RBMS3: variants seen among roughly 807,000 people sequenced by gnomAD.
RBMS3 encodes RNA-binding motif, single-stranded-interacting protein 3.
A neutral mutation model predicts 66.8 loss-of-function variants in RBMS3; 27 were observed. The ratio of observed to expected loss-of-function variants is 0.40; its 90% CI spans 0.30 to 0.56. RBMS3 has a LOEUF of 0.56. RBMS3 is among the 20% of genes least tolerant of loss of function. The probability of loss-of-function intolerance (pLI) is 0.40; values close to 1 mark genes in which losing one functional copy is unlikely to be tolerated. For synonymous variants in RBMS3, 188 were observed against 183.0 expected, an observed-to-expected ratio of 1.03 and a Z score of -0.22; for missense variants, 513 against 549.5, an observed-to-expected ratio of 0.93 and a Z score of 0.66.
chr3:29,342,950 T>A (rs2036362213), intron 1 of RBMS3, among the ~76,000 whole-genome samples: 4 of 152,194 alleles, frequency 2.6e-5, no homozygotes, highest in Admixed American at 1.3e-4. Context: ...TCTACTTAGA[T>A]GCATGTTATG....
chr3:29,407,353 G>T (rs901692881), intron 1 of RBMS3, among the ~76,000 whole-genome samples: 66 of 152,126 alleles, frequency 4.3e-4, no homozygotes, highest in African/African-American at 1.6e-3. Flanking sequence ...CGACTGAGGT[G>T]TATGTACACG....
At chr3:29,851,544 A>G (rs760993649) in intron 6 of RBMS3, among the ~76,000 whole-genome samples, 1 of 152,238 alleles carries the variant, frequency 6.6e-6, no homozygotes, top group South Asian at 2.1e-4. Context: ...AAAAGTGAAC[A>G]CATTAAAGCA....
intron 4 of RBMS3, among the ~76,000 whole-genome samples, chr3:29,625,136 C>T (rs1393905273): frequency 6.6e-6 from 1 of 152,112 alleles, no homozygotes; most frequent in African/African-American, 2.4e-5. Flanking sequence ...CTTCACCTCC[C>T]CAGCCCTGCA....
chr3:29,969,538 T>C (rs1697086879), intron 12 of RBMS3, among the ~76,000 whole-genome samples: 1 of 152,226 alleles, frequency 6.6e-6, no homozygotes, highest in African/African-American at 2.4e-5. Context: ...ACAGAGTCGC[T>C]GACCCATAAG....
chr3:29,883,474 C>T (rs74388500), intron 7 of RBMS3, among the ~76,000 whole-genome samples: 2,050 of 152,178 alleles, frequency 0.013, 47 homozygotes, highest in African/African-American at 0.047. Context: ...TGAATCAGCA[C>T]TCATGAAGTT....
At chr3:29,659,082 G>T (rs1002961548) in intron 4 of RBMS3, among the ~76,000 whole-genome samples, 4 of 152,198 alleles carry the variant, frequency 2.6e-5, no homozygotes, top group African/African-American at 9.7e-5. Context: ...CTCCCGAAGT[G>T]CTGGGATTCG....
At chr3:29,756,629 T>C (rs1004963295) in intron 5 of RBMS3, among the ~76,000 whole-genome samples, 1 of 152,060 alleles carries the variant, frequency 6.6e-6, no homozygotes, top group African/African-American at 2.4e-5. Context: ...CACATGAGAA[T>C]TGTAGGAGCT....
At chr3:29,308,758 A>AAAAAAAAAAAAAAAAAAAAAC (rs2034183382) in intron 1 of RBMS3, among the ~76,000 whole-genome samples, 1 of 89,050 alleles carries the variant, frequency 1.1e-5, no homozygotes, top group African/African-American at 4.7e-5. Flanking sequence ...AAAAAAAACA[A>AAAAAAAAAAAAAAAAAAAAAC]AAAAAAAAAC....
At chr3:29,675,196 A>T (rs1250553323) in intron 4 of RBMS3, among the ~76,000 whole-genome samples, 1 of 152,234 alleles carries the variant, frequency 6.6e-6, no homozygotes, top group Non-Finnish European at 1.5e-5. Flanking sequence ...TATTTAATAA[A>T]TAGCGCTGGG....
chr3:29,519,512 A>AAAACC (rs1324135918), intron 3 of RBMS3, among the ~76,000 whole-genome samples: 1 of 152,204 alleles, frequency 6.6e-6, no homozygotes, highest in African/African-American at 2.4e-5. Flanking sequence ...AAACAGTCTG[A>AAAACC]AAACCACTCA....
At chr3:29,422,189 C>T (rs1357157749) in intron 1 of RBMS3, among the ~76,000 whole-genome samples, 2 of 152,104 alleles carry the variant, frequency 1.3e-5, no homozygotes, top group Admixed American at 6.5e-5. Flanking sequence ...GATCTATGTC[C>T]TTAGACACTA....
chr3:29,776,140 T>C (rs1202753813), intron 6 of RBMS3, among the ~76,000 whole-genome samples: 2 of 152,048 alleles, frequency 1.3e-5, no homozygotes, highest in African/African-American at 2.4e-5. Context: ...GCTACACCTA[T>C]ATGATGTTAA....
intron 5 of RBMS3, among the ~76,000 whole-genome samples, chr3:29,754,588 G>A (rs1185326809): frequency 1.3e-5 from 2 of 152,164 alleles, no homozygotes; most frequent in African/African-American, 2.4e-5. Context: ...ATCACTGAAA[G>A]TCTGTTTCAG....
chr3:29,828,564 C>T (rs888408762), intron 6 of RBMS3, among the ~76,000 whole-genome samples: 1 of 152,152 alleles, frequency 6.6e-6, no homozygotes. Context: ...GGATTATCAA[C>T]ATTGTTCTCA....
chr3:29,795,637 T>G (rs1292569959), intron 6 of RBMS3, among the ~76,000 whole-genome samples: 2 of 152,358 alleles, frequency 1.3e-5, no homozygotes, highest in East Asian at 1.9e-4. Flanking sequence ...AATTAGATTC[T>G]AATCCATAAT....
intron 3 of RBMS3, among the ~76,000 whole-genome samples, chr3:29,569,821 A>G (rs1356965374): frequency 1.3e-5 from 2 of 152,188 alleles, no homozygotes; most frequent in Non-Finnish European, 2.9e-5. Context: ...ATCTTTCCAA[A>G]TCTTGGAATA....
In RBMS3 at chr3:29,663,823, G is replaced by A. The variant is rs551832444; in HGVS notation, c.400-75897G>A. On this transcript the variant is annotated intron_variant, in intron 4 of 14. Coordinates refer to ENST00000383767, the MANE Select transcript of RBMS3 (RefSeq NM_001003793.3). Reference sequence around the variant, plus strand: ...TGGCTAACTCATATATATGGCCCTTGGAAGTAAAGTTTTGTCCATTAGTTC... The same window carrying A: ...TGGCTAACTCATATATATGGCCCTTAGAAGTAAAGTTTTGTCCATTAGTTC... 2.6e-5 allele frequency among the ~76,000 whole-genome samples: 4 copies of A among 152,192 alleles called. No individual in the cohort carries two copies. The South Asian group carries it at 8.3e-4, about 32-fold the overall frequency.
chr3:29,745,059 C>T (rs1176959682), intron 5 of RBMS3, among the ~76,000 whole-genome samples: 2 of 152,166 alleles, frequency 1.3e-5, no homozygotes, highest in African/African-American at 4.8e-5. Flanking sequence ...ATACATTAAT[C>T]TTCTTTGATA....
intron 4 of RBMS3, among the ~76,000 whole-genome samples, chr3:29,596,993 A>G (rs1437100940): frequency 6.6e-6 from 1 of 152,188 alleles, no homozygotes; most frequent in Non-Finnish European, 1.5e-5. Context: ...CTCACAAACA[A>G]TGGTTCAATT....
Sources: gnomAD v4.1 joint callset for allele counts (sites outside exome capture counted in the v4.1 genomes callset) on GRCh38, gnomAD v4.1.1 for gene constraint, MANE v1.5 for transcripts, NCBI Gene and HGNC (gene_info 2026-07-23, HGNC 2026-07-21) for gene names.